The following SYTL3 variants were observed in gnomAD, a reference collection of about 807,000 sequenced individuals.
The protein encoded by SYTL3 is synaptotagmin like 3, also known as synaptotagmin-like protein 3.
Under a neutral mutation model 82.1 loss-of-function variants are expected in SYTL3, and 88 were observed. That is an observed-to-expected ratio of 1.07 (90% CI 0.90 to 1.28). SYTL3 has a LOEUF of 1.28. SYTL3 is among the 50% of genes most tolerant of loss of function. The pLI is 0.00. For missense variants in SYTL3, 831 were observed against 757.6 expected (o/e 1.10, Z -1.14); for synonymous variants, 311 against 289.4 (o/e 1.07, Z -0.76).
At chr6:158,701,092 C>T (rs1781171396) in intron 6 of SYTL3, among the ~76,000 whole-genome samples, 2 of 148,108 alleles carry the variant, frequency 1.4e-5, no homozygotes, top group Non-Finnish European at 3.0e-5. Flanking sequence ...ATGGGGCCAG[C>T]CTGGTGAGGA....
intron 11 of SYTL3, among the ~76,000 whole-genome samples, chr6:158,737,039 CAA>C (rs201499466): frequency 8.8e-6 from 1 of 113,828 alleles, no homozygotes; most frequent in African/African-American, 3.1e-5. Flanking sequence ...CATTTCATGG[CAA>C]AAAAAAAAAA....
rs562909653 is a variant in SYTL3, at chr6:158,696,356, C to T, written c.395-10874C>T. Among the ~76,000 whole-genome samples the T allele has an allele frequency of 4.6e-4, 69 of 150,248 alleles. 1 individual carries two copies. The South Asian group carries it at 5.2e-3, about 11-fold the overall frequency. On this transcript the variant is annotated intron_variant, in intron 6 of 17. Transcript: ENST00000611299. Reference sequence around the variant, plus strand: ...CTGGGACTACAGGTGCATGCCACCACGCCTAATTTTTTTTTTTTTTTGTAT... The same window carrying T: ...CTGGGACTACAGGTGCATGCCACCATGCCTAATTTTTTTTTTTTTTTGTAT...
At chr6:158,656,689 C>T (rs968255001) in intron 2 of SYTL3, among the ~76,000 whole-genome samples, 1 of 151,776 alleles carries the variant, frequency 6.6e-6, no homozygotes, top group Non-Finnish European at 1.5e-5. Flanking sequence ...TGTGCCACTG[C>T]ACTCCAGCCT....
At chr6:158,689,380 T>C (rs892646762) in intron 6 of SYTL3, among the ~76,000 whole-genome samples, 6 of 152,232 alleles carry the variant, frequency 3.9e-5, no homozygotes, top group Non-Finnish European at 8.8e-5. Context: ...TCATCACGAA[T>C]AAGATTGAGT....
At chr6:158,657,425 C>CAAAAAA (rs535361947) in intron 2 of SYTL3, among the ~76,000 whole-genome samples, 15 of 80,118 alleles carry the variant, frequency 1.9e-4, no homozygotes, top group South Asian at 4.7e-4. Context: ...GACTCTGGCT[C>CAAAAAA]AAAAAAAAAA....
chr6:158,648,855 A>G (rs576955251), upstream of SYTL3, among the ~76,000 whole-genome samples: 2 of 152,208 alleles, frequency 1.3e-5, no homozygotes, highest in African/African-American at 4.8e-5. Context: ...TGGCTGACAC[A>G]TATCTAAAGT....
intron 5 of SYTL3, among the ~76,000 whole-genome samples, chr6:158,666,767 C>A (rs1050488897): frequency 1.3e-5 from 2 of 152,200 alleles, no homozygotes; most frequent in Non-Finnish European, 2.9e-5. Context: ...CCCTGGCATT[C>A]ATTTACTTAA....
intron 8 of SYTL3, among the ~76,000 whole-genome samples, chr6:158,710,596 C>T (rs1415698519): frequency 2.0e-5 from 3 of 151,854 alleles, no homozygotes; most frequent in African/African-American, 4.8e-5. Context: ...ATGATGAGAA[C>T]GTGAACTACA....
intron 11 of SYTL3, chr6:158,726,745 T>C: frequency 4.7e-6 from 1 of 214,170 alleles, no homozygotes; most frequent in Non-Finnish European, 9.7e-6. Flanking sequence ...ACACAAGGCC[T>C]GGGATCTTTG....
intron 12 of SYTL3, among the ~76,000 whole-genome samples, chr6:158,746,452 A>ATT (rs199795355): frequency 0.24 from 32,314 of 134,924 alleles, 4,326 homozygotes; most frequent in African/African-American, 0.38. Flanking sequence ...TAATAATAAT[A>ATT]ATAATAATAT....
intron 6 of SYTL3, among the ~76,000 whole-genome samples, chr6:158,697,443 GTCAA>G (rs1307212494): frequency 3.3e-5 from 5 of 150,382 alleles, no homozygotes; most frequent in African/African-American, 1.3e-4. Flanking sequence ...TCTCAAATCA[GTCAA>G]TCAATCAGGG....
chr6:158,761,926 C>T, intron 15 of SYTL3, 150 bp from the exon 16 acceptor site: 2 of 602,834 alleles, frequency 3.3e-6, no homozygotes, highest in East Asian at 2.8e-5. Context: ...GCAGGGCCAG[C>T]AGAGCCCACT....
upstream of SYTL3, among the ~76,000 whole-genome samples, chr6:158,649,453 G>A (rs1787743334): frequency 6.6e-6 from 1 of 152,220 alleles, no homozygotes; most frequent in East Asian, 1.9e-4. Flanking sequence ...CCAAGCCTAC[G>A]TGGCACGTGG....
At chr6:158,654,258 G>A (rs2128348303) in intron 2 of SYTL3, among the ~76,000 whole-genome samples, 1 of 152,342 alleles carries the variant, frequency 6.6e-6, no homozygotes, top group Middle Eastern at 3.4e-3. Context: ...ATTTGTCTGT[G>A]TGTCCATGTT....
intron 6 of SYTL3, among the ~76,000 whole-genome samples, chr6:158,704,265 C>T (rs914764861): frequency 1.3e-5 from 2 of 152,354 alleles, no homozygotes; most frequent in Middle Eastern, 3.4e-3. Context: ...TGTCATAGGG[C>T]GGAATTGAGC....
intron 11 of SYTL3, among the ~76,000 whole-genome samples, chr6:158,744,272 C>T (rs1281646938): frequency 6.7e-6 from 1 of 149,472 alleles, no homozygotes. Context: ...TGACTTTCTG[C>T]CCCCAGGCTT....
At chr6:158,690,656 A>G (rs1415338619) in intron 6 of SYTL3, among the ~76,000 whole-genome samples, 2 of 152,228 alleles carry the variant, frequency 1.3e-5, no homozygotes. Flanking sequence ...TTCATTTTGT[A>G]GAGCGATAGT....
At chr6:158,756,698 G>A (rs1341855540) in intron 13 of SYTL3, among the ~76,000 whole-genome samples, 1 of 140,660 alleles carries the variant, frequency 7.1e-6, no homozygotes, top group African/African-American at 2.6e-5. Context: ...GTGACAGAGC[G>A]AGATCCTGTC....
chr6:158,758,771 C>T (rs1789500396), intron 14 of SYTL3, among the ~76,000 whole-genome samples: 1 of 152,126 alleles, frequency 6.6e-6, no homozygotes, highest in Non-Finnish European at 1.5e-5. Flanking sequence ...CAAGGTCAGC[C>T]CAAGACGACC....
Sources: gnomAD v4.1 joint callset for allele counts (sites outside exome capture counted in the v4.1 genomes callset) on GRCh38, gnomAD v4.1.1 for gene constraint, MANE v1.5 for transcripts, NCBI Gene and HGNC (gene_info 2026-07-23, HGNC 2026-07-21) for gene names.